Variants in XG observed in about 807,000 individuals in gnomAD.
XG encodes Xg glycoprotein (Xg blood group), also known as glycoprotein Xg.
A neutral mutation model predicts 25.7 loss-of-function variants in XG; 24 were observed. The ratio of observed to expected loss-of-function variants is 0.93; its 90% CI spans 0.68 to 1.31. The LOEUF is 1.31. Ranked by LOEUF, XG falls within the 40% of genes most tolerant of loss-of-function variation. XG has a pLI of 0.00. For synonymous variants in XG, 77 were observed against 69.2 expected, an observed-to-expected ratio of 1.11 and a Z score of -0.56; for missense variants, 181 against 187.6, an observed-to-expected ratio of 0.96 and a Z score of 0.21.
At chrX:2,776,941 ATAGGTTGTT>A (rs2051011917) in intron 3 of XG, among the ~76,000 whole-genome samples, 1 of 152,248 alleles carries the variant, frequency 6.6e-6, no homozygotes, top group South Asian at 2.1e-4. Flanking sequence ...ACGGGTGTTT[ATAGGTTGTT>A]CAGGAAATGT....
chrX:2,768,307 T>C (rs2050742903), intron 1 of XG, among the ~76,000 whole-genome samples: 1 of 152,120 alleles, frequency 6.6e-6, no homozygotes, highest in South Asian at 2.1e-4. Flanking sequence ...GGAATGTAAA[T>C]TCTCAGGGTG....
At chrX:2,793,213 A>G (rs1367642786) in intron 5 of XG, among the ~76,000 whole-genome samples, 2 of 111,904 alleles carry the variant, frequency 1.8e-5, no homozygotes, top group Admixed American at 9.5e-5. Context: ...AATAAACTCA[A>G]TCAGCATGTT....
intron 7 of XG, among the ~76,000 whole-genome samples, chrX:2,804,949 G>T (rs1244994139): frequency 8.9e-6 from 1 of 112,556 alleles, no homozygotes; most frequent in Non-Finnish European, 1.9e-5. Context: ...AGTTTTGGGA[G>T]CATGACGCTT....
At chrX:2,753,518 C>T (rs1052317114) in intron 1 of XG, among the ~76,000 whole-genome samples, 7 of 152,024 alleles carry the variant, frequency 4.6e-5, no homozygotes, top group African/African-American at 7.2e-5. Context: ...AACTTTACAA[C>T]GGTGTAAAAT....
At chrX:2,780,425 T>TTTA (rs1556369958) in intron 3 of XG, among the ~76,000 whole-genome samples, 1 of 126,662 alleles carries the variant, frequency 7.9e-6, no homozygotes, top group Non-Finnish European at 1.6e-5. Flanking sequence ...TTTTTTTTTC[T>TTTA]AAAAAAAAAA....
rs144873100 is a variant in XG, at chrX:2,765,328, G to A, written c.62-5222G>A. 4.4e-4 allele frequency among the ~76,000 whole-genome samples: 66 copies of A among 151,270 alleles called. No individual in the cohort carries two copies. The East Asian group carries it at 0.01, about 24-fold the overall frequency. On this transcript the variant is annotated intron_variant, in intron 1 of 10. Coordinates refer to ENST00000644266, the MANE Select transcript of XG (RefSeq NM_001141919.2). ...ATTGCGCCATTGCACTGCAGCCTGG[G>A]CAACATAGTGAGGTTCTGTATGAGA...
intron 4 of XG, among the ~76,000 whole-genome samples, chrX:2,787,291 G>A (rs1266621244): frequency 9.3e-6 from 1 of 107,551 alleles, no homozygotes. Context: ...ACAGAGGGAC[G>A]ACCCTGTGAG....
chrX:2,805,885 G>A lies in XG; in HGVS notation c.374-816G>A, dbSNP rs747694967. Among the ~76,000 whole-genome samples, 399 of 112,054 alleles carry A rather than the reference G, an allele frequency of 3.6e-3. 1 individual carries two copies. Among genetic ancestry groups the A allele is most frequent in the Non-Finnish European group, 5.7e-3 (303 of 53,216 alleles). On this transcript the variant is annotated intron_variant, in intron 7 of 10. Coordinates refer to ENST00000644266, the MANE Select transcript of XG (RefSeq NM_001141919.2). ...GTTAGGACTGCGACCTGTGAATTTGGAGGGGGATATAGTTCAGCCCATAGA... is the reference window on the plus strand; with the variant it reads ...GTTAGGACTGCGACCTGTGAATTTGAAGGGGGATATAGTTCAGCCCATAGA...
intron 7 of XG, among the ~76,000 whole-genome samples, chrX:2,803,679 G>A (rs910865793): frequency 2.7e-5 from 3 of 110,278 alleles, no homozygotes; most frequent in Non-Finnish European, 3.8e-5. Context: ...TACCGGGCTG[G>A]CTGGTGTCAG....
intron 1 of XG, among the ~76,000 whole-genome samples, chrX:2,768,933 C>T (rs1454515781): frequency 5.3e-5 from 8 of 152,144 alleles, no homozygotes; most frequent in African/African-American, 1.7e-4. Context: ...TTGAGAGAAA[C>T]GGCCGTGTGG....
intron 1 of XG, among the ~76,000 whole-genome samples, chrX:2,767,479 G>A (rs1198049266): frequency 6.6e-6 from 1 of 152,128 alleles, no homozygotes. Flanking sequence ...ATTAAAAGCC[G>A]CTCAGTTCAC....
Position 2,815,138 on chromosome X carries a change from T to C in XG, c.*758T>C, listed in dbSNP as rs1260804479. On this transcript the variant is annotated 3_prime_UTR_variant, in exon 11 of 11. Coordinates refer to ENST00000644266, the MANE Select transcript of XG (RefSeq NM_001141919.2). ...GATTATCAGGCGTTGAGCCTTTTTG[T>C]AGTATTTTTAGTCTTTGATACTCTG... The C allele has an allele frequency of 9.0e-6, 1 of 111,580 alleles. No individual in the cohort carries two copies. Among genetic ancestry groups the C allele is most frequent in the Non-Finnish European group, 1.9e-5 (1 of 53,150 alleles). The allele number at this position is 111,580 out of a possible 1,213,427, so 9.2% of individuals were successfully genotyped here. A position where few individuals can be genotyped will look rare whatever the true frequency, so the allele number is the denominator to read the frequency against.
chrX:2,808,626 C>T (rs1027225905), intron 9 of XG: 30 of 688,101 alleles, frequency 4.4e-5, no homozygotes, highest in South Asian at 7.6e-5. Context: ...CTGTCAATCC[C>T]GTCTCAGGTC....
chrX:2,777,980 A>G (rs1023719596), intron 3 of XG, among the ~76,000 whole-genome samples: 14 of 152,224 alleles, frequency 9.2e-5, no homozygotes, highest in African/African-American at 3.4e-4. Flanking sequence ...AATAGCTGGA[A>G]AAAAAATGCG....
intron 1 of XG, among the ~76,000 whole-genome samples, chrX:2,754,171 T>C (rs1330992965): frequency 6.6e-6 from 1 of 152,116 alleles, no homozygotes; most frequent in Admixed American, 6.6e-5. Flanking sequence ...CCATCATAGC[T>C]CACTGCAGTC....
At chrX:2,767,564 C>G (rs1274598289) in intron 1 of XG, among the ~76,000 whole-genome samples, 1 of 152,102 alleles carries the variant, frequency 6.6e-6, no homozygotes, top group Non-Finnish European at 1.5e-5. Context: ...GAAAATAAAC[C>G]CCGTGAAAGC....
chrX:2,795,448 T>C (rs2147077445), intron 6 of XG, among the ~76,000 whole-genome samples: 1 of 105,849 alleles, frequency 9.4e-6, no homozygotes, highest in Non-Finnish European at 1.9e-5. Context: ...TTTATTTATA[T>C]ATGTATATAT....
At chrX:2,812,064 C>T (rs1408737373) in intron 10 of XG, among the ~76,000 whole-genome samples, 4 of 111,006 alleles carry the variant, frequency 3.6e-5, no homozygotes, top group South Asian at 3.9e-4. Context: ...ATAAGCATGA[C>T]GGTTGGTTTA....
At chrX:2,786,343 C>T (rs1195374649) in intron 4 of XG, among the ~76,000 whole-genome samples, 1 of 97,449 alleles carries the variant, frequency 1.0e-5, no homozygotes, top group Non-Finnish European at 2.0e-5. Flanking sequence ...TCTTGGCTCA[C>T]TGCAACCTCC....
Sources: allele counts gnomAD v4.1 joint callset (sites outside exome capture counted in the v4.1 genomes callset), GRCh38; gene constraint gnomAD v4.1.1; transcripts MANE v1.5; gene names NCBI Gene and HGNC (gene_info 2026-07-23, HGNC 2026-07-21).